DNAH9: variants seen among roughly 807,000 people sequenced by gnomAD.
DNAH9 encodes the protein DNAH9 variant protein.
In DNAH9, 345 loss-of-function variants were observed where a neutral mutation model predicts 471.6. The ratio of observed to expected loss-of-function variants is 0.73; its 90% CI spans 0.67 to 0.80. The LOEUF (loss-of-function observed/expected upper bound fraction) is 0.80, where lower values mean the gene tolerates loss of function less well. Ranked by LOEUF, DNAH9 falls within the 30% of genes least tolerant of loss-of-function variation. DNAH9 has a pLI of 0.00. For missense variants in DNAH9, 5,407 were observed against 5,609.2 expected (o/e 0.96, Z 1.15); for synonymous variants, 2,093 against 2,123.6 (o/e 0.99, Z 0.40).
intron 67 of DNAH9, among the ~76,000 whole-genome samples, chr17:11,943,855 G>A (rs546391704): frequency 6.6e-6 from 1 of 152,312 alleles, no homozygotes; most frequent in Non-Finnish European, 1.5e-5. Context: ...GTGCCAGCTT[G>A]TAATCAAATG....
intron 24 of DNAH9, among the ~76,000 whole-genome samples, chr17:11,703,150 G>A (rs1338626445): frequency 3.3e-5 from 5 of 151,758 alleles, no homozygotes; most frequent in African/African-American, 4.8e-5. Context: ...GTGAATAGCA[G>A]GGAGAAACTT....
intron 27 of DNAH9, among the ~76,000 whole-genome samples, chr17:11,724,092 A>G (rs1421951210): frequency 6.6e-6 from 1 of 152,190 alleles, no homozygotes; most frequent in African/African-American, 2.4e-5. Context: ...AATAATATCA[A>G]TAATAATTAT....
chr17:11,746,979 G>T (rs1393467649), intron 31 of DNAH9, among the ~76,000 whole-genome samples: 1 of 152,108 alleles, frequency 6.6e-6, no homozygotes, highest in Non-Finnish European at 1.5e-5. Flanking sequence ...TGAAATGACA[G>T]CCGTTAGCAG....
chr17:11,872,269 T>G (rs1171764388), intron 52 of DNAH9, among the ~76,000 whole-genome samples: 1 of 151,962 alleles, frequency 6.6e-6, no homozygotes, highest in African/African-American at 2.4e-5. Flanking sequence ...CATAATCCCA[T>G]GAACAGCTGC....
intron 38 of DNAH9, among the ~76,000 whole-genome samples, chr17:11,780,610 G>A (rs149109977): frequency 6.6e-5 from 10 of 152,312 alleles, no homozygotes; most frequent in African/African-American, 2.4e-4. Flanking sequence ...GACAGAAGAA[G>A]CATGGTCTTT....
intron 25 of DNAH9, 68 bp downstream of exon 25, chr17:11,704,510 A>G: frequency 6.4e-7 from 1 of 1,556,310 alleles, no homozygotes; most frequent in Non-Finnish European, 8.7e-7. Flanking sequence ...ACATACAGCC[A>G]AAATATGGGG....
intron 19 of DNAH9, among the ~76,000 whole-genome samples, chr17:11,684,246 G>A (rs551325535): frequency 9.3e-4 from 142 of 152,018 alleles, no homozygotes; most frequent in Non-Finnish European, 5.7e-4. Context: ...TTTGAGGAGA[G>A]AAAAAAAACC....
At chr17:11,947,082 T>TA (rs1975154244) in intron 67 of DNAH9, among the ~76,000 whole-genome samples, 2 of 152,242 alleles carry the variant, frequency 1.3e-5, no homozygotes, top group Middle Eastern at 3.4e-3. Flanking sequence ...ACAAAAGTGG[T>TA]AAAGGAAGGC....
intron 15 of DNAH9, among the ~76,000 whole-genome samples, chr17:11,667,504 G>A (rs981879340): frequency 6.6e-6 from 1 of 152,090 alleles, no homozygotes; most frequent in Non-Finnish European, 1.5e-5. Context: ...CTATTCTTAC[G>A]TATTTTGAGT....
rs1425419107 is a variant in DNAH9 at position 11,623,979 on chromosome 17, G to T, written c.1350+4198G>T. 6.6e-6 allele frequency among the ~76,000 whole-genome samples: 1 copy of T among 152,086 alleles called. No homozygotes were observed. The highest frequency in any genetic ancestry group is 1.5e-5 in the Non-Finnish European group (1 of 68,032). The stretch of plus-strand genomic sequence containing the variant: ...GGGTGCCTGCTAAATGCCAGAGGTG[G>T]GGCTGGCTTGGAAGAAGGGGTATAC... On this transcript the variant is annotated intron_variant, in intron 6 of 68. Coordinates refer to ENST00000262442, the MANE Select transcript of DNAH9 (RefSeq NM_001372.4). The surrounding 1 kb of genome is among the most constrained non-coding windows in gnomAD (Gnocchi z 4.1).
chr17:11,924,616 C>CTTTTTTTTTT (rs756191140), intron 62 of DNAH9, among the ~76,000 whole-genome samples: 16 of 91,980 alleles, frequency 1.7e-4, no homozygotes, highest in East Asian at 9.1e-4. Context: ...ACTACTAACT[C>CTTTTTTTTTT]TTTTTTTTTT....
chr17:11,947,772 A>AAT (rs1555528615), intron 67 of DNAH9, among the ~76,000 whole-genome samples: 47,177 of 108,566 alleles, frequency 0.43, 11,177 homozygotes, highest in Middle Eastern at 0.53. Flanking sequence ...GCTGGGAACT[A>AAT]TTTTTTTTTT....
intron 15 of DNAH9, among the ~76,000 whole-genome samples, chr17:11,668,191 C>G (rs1162051303): frequency 6.6e-6 from 1 of 152,106 alleles, no homozygotes; most frequent in African/African-American, 2.4e-5. Context: ...AGGACCACAG[C>G]AATAAATTAT....
In DNAH9 at chr17:11,747,733, A is replaced by C. The variant is rs142544308; in HGVS notation, c.6577A>C (p.Ile2193Leu). 6.2e-7 allele frequency: 1 copy of C among 1,613,980 alleles called. No individual in the cohort carries two copies. ...KAVTNDELFG[I>L]INPATGEWKD... ...AGTCACAAATGATGAGCTCTTTGGC[A>C]TCATCAATCCAGCCACAGGAGAATG... Residue 2193 changes from isoleucine (I) to leucine (L), a missense_variant, in exon 32 of 69, where the codon ATC becomes CTC. Transcript: ENST00000262442.
chr17:11,769,060 G>A (rs906046388), intron 37 of DNAH9, 62 bp from the exon 38 acceptor site: 13 of 1,563,882 alleles, frequency 8.3e-6, no homozygotes, highest in East Asian at 4.5e-5. Context: ...TCGGAACGCC[G>A]CTGGTGCATC....
Position 11,837,249 on chromosome 17 carries a change from C to G in DNAH9, c.9507+2351C>G, listed in dbSNP as rs1970879739. 2.0e-5 allele frequency among the ~76,000 whole-genome samples: 3 copies of G among 152,290 alleles called. No individual in the cohort carries two copies. The South Asian group carries it at 6.2e-4, about 32-fold the overall frequency. On this transcript the variant is annotated intron_variant, in intron 49 of 68. Coordinates refer to ENST00000262442, the MANE Select transcript of DNAH9 (RefSeq NM_001372.4). ...ATGGAATAGGATACTGAAAATCACA[C>G]TGGATTTGAAGTCTAGACAACAGAA... is the stretch of plus-strand genomic sequence containing the variant.
intron 65 of DNAH9, among the ~76,000 whole-genome samples, chr17:11,935,444 C>T (rs1433078424): frequency 6.7e-6 from 1 of 149,168 alleles, no homozygotes; most frequent in African/African-American, 2.5e-5. Flanking sequence ...AGCGCGATCT[C>T]GGCTCACTGC....
At chr17:11,939,402 G>T (rs1974823332) in intron 66 of DNAH9, among the ~76,000 whole-genome samples, 1 of 152,202 alleles carries the variant, frequency 6.6e-6, no homozygotes, top group Admixed American at 6.5e-5. Flanking sequence ...CCCAAGAAAT[G>T]GGGTGTGTAT....
chr17:11,933,787 T>C (rs2151037758), intron 64 of DNAH9, 93 bp from the exon 65 acceptor site: 2 of 1,149,796 alleles, frequency 1.7e-6, no homozygotes, highest in Non-Finnish European at 2.5e-6. Flanking sequence ...GTCCCTCTCT[T>C]GTGGCTTTCT....
Sources: allele counts gnomAD v4.1 joint callset (sites outside exome capture counted in the v4.1 genomes callset), GRCh38; gene constraint gnomAD v4.1.1; non-coding constraint Gnocchi (gnomAD v3.1); transcripts MANE v1.5; gene names NCBI Gene and HGNC (gene_info 2026-07-23, HGNC 2026-07-21).